Variants in TBC1D5 observed in about 807,000 individuals in gnomAD.
The protein encoded by TBC1D5 is TBC1 domain family, member 5.
In TBC1D5, 75 loss-of-function variants were observed where a neutral mutation model predicts 100.3. That is an observed-to-expected ratio of 0.75 (90% CI 0.62 to 0.91). The LOEUF (loss-of-function observed/expected upper bound fraction) is 0.91, where lower values mean the gene tolerates loss of function less well. Ranked by LOEUF, TBC1D5 falls within the 40% of genes least tolerant of loss-of-function variation. TBC1D5 has a pLI of 0.00. For missense variants in TBC1D5, 910 were observed against 942.4 expected (o/e 0.97, Z 0.45); for synonymous variants, 323 against 325.6 (o/e 0.99, Z 0.09).
intron 15 of TBC1D5, among the ~76,000 whole-genome samples, chr3:17,264,111 CT>C (rs59532297): frequency 0.06 from 9,185 of 152,062 alleles, 488 homozygotes; most frequent in East Asian, 0.18. Context: ...ACTCTTACCC[CT>C]ATGGCAACAT....
intron 2 of TBC1D5, chr3:17,576,339 G>A (rs2096657127): frequency 6.6e-6 from 1 of 151,948 alleles, no homozygotes. Context: ...TCAATTCTAA[G>A]CACTGGATAA....
At chr3:17,179,151 T>C (rs2068147849) in intron 19 of TBC1D5, among the ~76,000 whole-genome samples, 1 of 152,200 alleles carries the variant, frequency 6.6e-6, no homozygotes, top group Non-Finnish European at 1.5e-5. Context: ...TCAGGTGAAT[T>C]GTATCTTTTC....
At chr3:17,298,816 T>C (rs1013627231) in intron 14 of TBC1D5, among the ~76,000 whole-genome samples, 1 of 152,150 alleles carries the variant, frequency 6.6e-6, no homozygotes, top group Non-Finnish European at 1.5e-5. Context: ...TATATGACAT[T>C]GTGACAGTAA....
At chr3:17,692,911 C>T (rs2071382122) in intron 1 of TBC1D5, among the ~76,000 whole-genome samples, 1 of 152,260 alleles carries the variant, frequency 6.6e-6, no homozygotes, top group African/African-American at 2.4e-5. Flanking sequence ...AGGCAGATCA[C>T]TTGAACCCAA....
rs1392046710 is a variant in TBC1D5, at chr3:17,690,446, G to A, written c.-101+48897C>T. Among the ~76,000 whole-genome samples, 2 of 32,770 alleles carry A rather than the reference G, an allele frequency of 6.1e-5. 1 individual carries two copies. The highest frequency in any genetic ancestry group is 1.3e-4 in the Non-Finnish European group (2 of 15,524). 21.5% of individuals were successfully genotyped at this position (32,770 alleles called of 152,430 possible). On this transcript the variant is annotated intron_variant, in intron 1 of 21. Coordinates refer to ENST00000253692, the Ensembl canonical transcript of TBC1D5. ...TTAGCCGGGATGGTCTCGATCTCCT[G>A]ACCTCGTGATCCGCCCGCCTCGGCC...
At chr3:17,616,093 G>T (rs1387484041) in intron 2 of TBC1D5, among the ~76,000 whole-genome samples, 1 of 152,144 alleles carries the variant, frequency 6.6e-6, no homozygotes, top group Non-Finnish European at 1.5e-5. Context: ...TTGTGTCTTT[G>T]TTCTCATTGG....
At chr3:17,698,168 A>C (rs1283596162) in intron 1 of TBC1D5, among the ~76,000 whole-genome samples, 5 of 152,058 alleles carry the variant, frequency 3.3e-5, no homozygotes, top group South Asian at 2.1e-4. Flanking sequence ...GTAACCAAAG[A>C]AGCATGGTAC....
At chr3:17,322,629 C>T (rs1177570600) in intron 13 of TBC1D5, among the ~76,000 whole-genome samples, 1 of 152,094 alleles carries the variant, frequency 6.6e-6, no homozygotes, top group African/African-American at 2.4e-5. Context: ...GACTCAAGGC[C>T]GAGGAAAGTG....
intron 2 of TBC1D5, among the ~76,000 whole-genome samples, chr3:17,546,331 C>T (rs578121491): frequency 2.0e-5 from 3 of 152,070 alleles, no homozygotes; most frequent in African/African-American, 7.2e-5. Context: ...TTTTATATTG[C>T]GCACTGGACT....
intron 13 of TBC1D5, chr3:17,338,468 A>G (rs1236682922): frequency 1.3e-5 from 2 of 152,184 alleles, no homozygotes; most frequent in Non-Finnish European, 2.9e-5. Context: ...GCTGGCTATC[A>G]TCAATCTTCT....
chr3:17,441,201 T>C (rs780837171), intron 3 of TBC1D5, among the ~76,000 whole-genome samples: 1 of 152,210 alleles, frequency 6.6e-6, no homozygotes, highest in African/African-American at 2.4e-5. Flanking sequence ...GAACATCTAC[T>C]GTCTACTATG....
intron 2 of TBC1D5, among the ~76,000 whole-genome samples, chr3:17,544,726 C>T (rs1355512296): frequency 6.6e-6 from 1 of 150,656 alleles, no homozygotes; most frequent in East Asian, 1.9e-4. Flanking sequence ...TAGATTATTC[C>T]AAACATGGTG....
chr3:17,454,520 T>C lies in TBC1D5; in HGVS notation c.98-26001A>G, dbSNP rs370690539. Reference sequence around the variant, plus strand: ...TGTCACCCAGGCTAGAGTGCAGTGGTACGATCTCGGCTCACTGCAAGCTCC... The same window carrying C: ...TGTCACCCAGGCTAGAGTGCAGTGGCACGATCTCGGCTCACTGCAAGCTCC... On this transcript the variant is annotated intron_variant, in intron 3 of 21. Coordinates refer to ENST00000253692, the Ensembl canonical transcript of TBC1D5. 7.2e-4 allele frequency among the ~76,000 whole-genome samples: 110 copies of C among 152,124 alleles called. 5 individuals carry two copies. The South Asian group carries it at 0.021, about 29-fold the overall frequency.
chr3:17,583,427 T>A (rs2096712511), intron 2 of TBC1D5, among the ~76,000 whole-genome samples: 1 of 151,514 alleles, frequency 6.6e-6, no homozygotes, highest in African/African-American at 2.4e-5. Flanking sequence ...TAGCAAAATG[T>A]AGAGAAAGTG....
At chr3:17,715,900 T>C (rs2075191138) in intron 1 of TBC1D5, among the ~76,000 whole-genome samples, 1 of 151,660 alleles carries the variant, frequency 6.6e-6, no homozygotes, top group South Asian at 2.1e-4. Context: ...CTACTAAAAA[T>C]ATTTAGCCAG....
intron 15 of TBC1D5, among the ~76,000 whole-genome samples, chr3:17,277,969 T>C (rs1470027544): frequency 6.6e-6 from 1 of 152,182 alleles, no homozygotes; most frequent in East Asian, 1.9e-4. Context: ...GTCCTATAAC[T>C]GAATGTTTAA....
chr3:17,415,323 A>G (rs1267653755), intron 4 of TBC1D5, among the ~76,000 whole-genome samples: 2 of 151,730 alleles, frequency 1.3e-5, no homozygotes, highest in African/African-American at 4.8e-5. Context: ...ACGCCCGGCG[A>G]AATTTTTTGT....
chr3:17,732,467 T>G (rs1252110331), intron 1 of TBC1D5, among the ~76,000 whole-genome samples: 1 of 151,448 alleles, frequency 6.6e-6, no homozygotes, highest in Admixed American at 6.6e-5. Flanking sequence ...GCCTGTAATC[T>G]CAGCACTTTG....
chr3:17,403,135 CA>C (rs765421854), intron 8 of TBC1D5, 45 bp downstream of exon 8: 17 of 1,479,716 alleles, frequency 1.1e-5, no homozygotes, highest in Non-Finnish European at 1.6e-5. Flanking sequence ...AAAGAGATAA[CA>C]ACAATTTGAA....
Sources: allele counts gnomAD v4.1 joint callset (sites outside exome capture counted in the v4.1 genomes callset), GRCh38; gene constraint gnomAD v4.1.1; transcripts MANE v1.5; gene names NCBI Gene and HGNC (gene_info 2026-07-23, HGNC 2026-07-21).